The following SSR2 variants were observed in gnomAD, a reference collection of about 807,000 sequenced individuals.
SSR2 encodes translocon-associated protein subunit beta.
A neutral mutation model predicts 22.6 loss-of-function variants in SSR2; 16 were observed. That is an observed-to-expected ratio of 0.71 (90% confidence interval 0.48 to 1.08). The LOEUF is 1.08. Ranked by LOEUF, SSR2 falls within the 50% of genes least tolerant of loss-of-function variation. The pLI, the probability that SSR2 is intolerant of heterozygous loss-of-function variation, is 0.00. For synonymous variants in SSR2, 83 were observed against 91.2 expected (o/e 0.91, Z 0.51); for missense variants, 171 against 221.6 (o/e 0.77, Z 1.45).
In SSR2 at chr1:156,009,603, G is replaced by A; in HGVS notation, c.489C>T (p.Ile163=). The part of the protein sequence containing the change: ...FGVMTLPSIG[I]PLLLWYSSKR... ...TGCTGGAGTACCACAATAGCAGGGG[G>A]ATGCCGATGGAGGGAAGGGTCATGA... The change falls in exon 6 of 6, where the codon ATC becomes ATT. Residue 163 remains isoleucine, a synonymous_variant. Coordinates refer to ENST00000295702, the MANE Select transcript of SSR2 (RefSeq NM_003145.4). 1 of 1,613,316 alleles carries A rather than the reference G, an allele frequency of 6.2e-7. No homozygotes were observed. The highest frequency in any genetic ancestry group is 8.5e-7 in the Non-Finnish European group (1 of 1,179,676).
Position 156,009,186 on chromosome 1 carries a change from A to G in SSR2, c.*354T>C. The G allele has an allele frequency of 4.7e-6, 1 of 214,392 alleles. No individual in the cohort carries two copies. Among genetic ancestry groups the G allele is most frequent in the Non-Finnish European group, 9.2e-6 (1 of 108,636 alleles). The allele number at this position is 214,392 out of a possible 1,614,324, so 13.3% of individuals were successfully genotyped here. ...CTTCTGAGAGGGGGAGGCAGGGGATAGGGGTGGTGTCAGGCAGTCTCCAAA... is the reference window on the plus strand; with the variant it reads ...CTTCTGAGAGGGGGAGGCAGGGGATGGGGGTGGTGTCAGGCAGTCTCCAAA... On this transcript the variant is annotated 3_prime_UTR_variant, in exon 6 of 6. Coordinates refer to ENST00000295702, the MANE Select transcript of SSR2 (RefSeq NM_003145.4).
At chr1:156,018,695 A>G (rs1046845979) in intron 2 of SSR2, among the ~76,000 whole-genome samples, 3 of 151,408 alleles carry the variant, frequency 2.0e-5, no homozygotes, top group African/African-American at 7.3e-5. Context: ...GGACAGAGCG[A>G]GACTCTGTCT....
rs1031556101 is a variant in SSR2 at position 156,009,426 on chromosome 1, G to A, written c.*114C>T. ...GCAGGATCCAGGAGAAAGTGGCCAA[G>A]GGCTAAGAGAGAAGAGATTGCATTT... On this transcript the variant is annotated 3_prime_UTR_variant, in exon 6 of 6. Coordinates refer to ENST00000295702, the MANE Select transcript of SSR2 (RefSeq NM_003145.4). The A allele has an allele frequency of 3.6e-6, 3 of 841,730 alleles. No individual in the cohort carries two copies. In the African/African-American group the frequency reaches 5.1e-5, roughly 14 times the overall value. 52.1% of individuals were successfully genotyped at this position (841,730 alleles called of 1,614,324 possible).
chr1:156,019,159 C>T (rs564952693), intron 2 of SSR2: 1 of 349,844 alleles, frequency 2.9e-6, no homozygotes, highest in African/African-American at 2.1e-5. Flanking sequence ...ACTGAAGAAT[C>T]CAGGTCAAGG....
chr1:156,016,235 CT>C (rs555337418), intron 3 of SSR2, among the ~76,000 whole-genome samples: 16 of 147,470 alleles, frequency 1.1e-4, no homozygotes, highest in African/African-American at 3.0e-4. Context: ...CACAGAAAAT[CT>C]TTTTTTTTTG....
In SSR2 at chr1:156,015,026, C is replaced by T; in HGVS notation, c.298G>A (p.Ala100Thr). The T allele has an allele frequency of 6.2e-7, 1 of 1,613,952 alleles. No individual in the cohort carries two copies. Among genetic ancestry groups the T allele is most frequent in the Non-Finnish European group, 8.5e-7 (1 of 1,179,944 alleles). ...SHTVVLRPLK[A>T]GYFNFTSATI... ...GCCGAGGTGAAGTTGAAATAACCAGCCTTGAGAGGGCGCAGGACCACAGTG... is the reference window on the plus strand; with the variant it reads ...GCCGAGGTGAAGTTGAAATAACCAGTCTTGAGAGGGCGCAGGACCACAGTG... The change falls in exon 4 of 6, where the codon GCT becomes ACT. Residue 100 changes from alanine (A) to threonine (T), a missense_variant. Ala to Thr is a moderately conservative substitution (Grantham distance 58, BLOSUM62 0). Transcript: ENST00000295702.
intron 1 of SSR2, 27 bp downstream of exon 1, chr1:156,020,861 T>A (rs1358781349): frequency 4.3e-6 from 2 of 469,114 alleles, no homozygotes; most frequent in Admixed American, 2.4e-5. Flanking sequence ...CCTCTCCCGT[T>A]CGGACGCCCT....
At chr1:156,010,383 T>A (rs1248095926) in intron 5 of SSR2, 1 of 152,120 alleles carries the variant, frequency 6.6e-6, no homozygotes, top group African/African-American at 2.4e-5. Context: ...TTATTTTATT[T>A]TTTTAGAGAT....
chr1:156,019,178 C>A (rs1683108161), intron 2 of SSR2: 1 of 425,050 alleles, frequency 2.4e-6, no homozygotes, highest in Admixed American at 2.6e-5. Context: ...GGACTGGATT[C>A]TATTGCTCAG....
rs1476725342 is a variant in SSR2 at position 156,014,818 on chromosome 1, G to A, written c.363+143C>T. 6 of 671,530 alleles carry A rather than the reference G, an allele frequency of 8.9e-6. No homozygotes were observed. In the Admixed American group the frequency reaches 1.5e-4, roughly 16 times the overall value. 41.6% of individuals were successfully genotyped at this position (671,530 alleles called of 1,614,324 possible). On this transcript the variant is annotated intron_variant, in intron 4 of 5. Coordinates refer to ENST00000295702, the MANE Select transcript of SSR2 (RefSeq NM_003145.4). ...CGGCCTCCAAAAATGCTAGATTACA[G>A]GTGTGAGCCACTGCGCCCAGTCCTA...
intron 4 of SSR2, chr1:156,013,605 A>G (rs1013599520): frequency 1.3e-5 from 2 of 153,558 alleles, no homozygotes; most frequent in Non-Finnish European, 1.5e-5. Flanking sequence ...AAAGGAAAGA[A>G]TAAGGACTGA....
chr1:156,014,793 C>T (rs1255540911), intron 4 of SSR2, 168 bp downstream of exon 4: 17 of 565,942 alleles, frequency 3.0e-5, no homozygotes, highest in Non-Finnish European at 4.5e-5. Context: ...CTGCCCACCT[C>T]GGCCTCCAAA....
intron 3 of SSR2, among the ~76,000 whole-genome samples, chr1:156,015,860 T>C (rs887790424): frequency 2.6e-5 from 4 of 151,840 alleles, no homozygotes; most frequent in Non-Finnish European, 5.9e-5. Context: ...AAAAAAATTA[T>C]AGTCACTTGG....
At chr1:156,014,864 A>C in intron 4 of SSR2, 97 bp downstream of exon 4, 1 of 986,488 alleles carries the variant, frequency 1.0e-6, no homozygotes, top group East Asian at 2.6e-5. Flanking sequence ...GGTATCTATT[A>C]ATCAACCTCT....
chr1:156,015,847 G>T (rs1328421742), intron 3 of SSR2, among the ~76,000 whole-genome samples: 2 of 150,942 alleles, frequency 1.3e-5, no homozygotes, highest in African/African-American at 2.4e-5. Flanking sequence ...ATATGTTATG[G>T]ATAAAAAAAT....
chr1:156,009,254 T>C lies in SSR2; in HGVS notation c.*286A>G. The C allele has an allele frequency of 3.1e-6, 1 of 326,062 alleles. No individual in the cohort carries two copies. Among genetic ancestry groups the C allele is most frequent in the South Asian group, 3.6e-5 (1 of 27,620 alleles). 20.2% of individuals were successfully genotyped at this position (326,062 alleles called of 1,614,324 possible). ...CTGAGAGAATTCACGTTGCCAGCAATAAACCAACAGCACCTCAGTGGGGCA... is the reference window on the plus strand; with the variant it reads ...CTGAGAGAATTCACGTTGCCAGCAACAAACCAACAGCACCTCAGTGGGGCA... On this transcript the variant is annotated 3_prime_UTR_variant, in exon 6 of 6. Coordinates refer to ENST00000295702, the MANE Select transcript of SSR2 (RefSeq NM_003145.4).
At chr1:156,012,328 G>C in intron 4 of SSR2, 1 of 327,272 alleles carries the variant, frequency 3.1e-6, no homozygotes, top group Non-Finnish European at 6.1e-6. Flanking sequence ...ACTTCACAGG[G>C]TTAATGTGAG....
rs1682981121 is a variant in SSR2 at position 156,011,742 on chromosome 1, G to C, written c.441+68C>G. The stretch of plus-strand genomic sequence containing the variant: ...AACAAAACAAATCTGTGGAAGCCAA[G>C]AGGGTCCAGAACCAAAAGGGCATTC... On this transcript the variant is annotated intron_variant, in intron 5 of 5. Transcript: ENST00000295702. 3 of 1,338,444 alleles carry C rather than the reference G, an allele frequency of 2.2e-6. No individual in the cohort carries two copies. In the African/African-American group the frequency reaches 4.4e-5, roughly 19 times the overall value. The allele number at this position is 1,338,444 out of a possible 1,614,324, so 82.9% of individuals were successfully genotyped here.
intron 2 of SSR2, 90 bp from the exon 3 acceptor site, chr1:156,018,458 G>A (rs1324137833): frequency 6.1e-6 from 6 of 980,556 alleles, no homozygotes; most frequent in African/African-American, 3.2e-5. Context: ...TGTAATCCCA[G>A]CACTTTTGGG....
Sources: gnomAD v4.1 joint callset for allele counts (sites outside exome capture counted in the v4.1 genomes callset) on GRCh38, gnomAD v4.1.1 for gene constraint, MANE v1.5 for transcripts, NCBI Gene and HGNC (gene_info 2026-07-23, HGNC 2026-07-21) for gene names.